The following ZNF106 variants were observed in gnomAD, a reference collection of about 807,000 sequenced individuals.
The protein encoded by ZNF106 is zinc finger protein 106, also known as SH3-domain binding protein 3.
Under a neutral mutation model 195.1 loss-of-function variants are expected in ZNF106, and 67 were observed. The observed-to-expected ratio is 0.34, with a 90% confidence interval of 0.28 to 0.42. ZNF106 has a LOEUF of 0.42. ZNF106 is among the 10% of genes least tolerant of loss of function. The pLI is 1.00. For missense variants in ZNF106, 2,118 were observed against 2,304.5 expected (o/e 0.92, Z 1.66); for synonymous variants, 784 against 818.6 (o/e 0.96, Z 0.72).
At chr15:42,426,410 A>C (rs891283170) in intron 15 of ZNF106, among the ~76,000 whole-genome samples, 1 of 151,464 alleles carries the variant, frequency 6.6e-6, no homozygotes, top group Non-Finnish European at 1.5e-5. Flanking sequence ...AAAAAAAAAA[A>C]AGAGAGAGAG....
chr15:42,436,760 T>G (rs2055286617), intron 13 of ZNF106, among the ~76,000 whole-genome samples: 1 of 152,206 alleles, frequency 6.6e-6, no homozygotes, highest in Non-Finnish European at 1.5e-5. Flanking sequence ...GGAAAATACC[T>G]CCTCCAGTAC....
rs777225331 is a variant in ZNF106 at position 42,448,562 on chromosome 15, C to A, written c.2645G>T (p.Ser882Ile). 6.2e-7 allele frequency: 1 copy of A among 1,614,148 alleles called. No individual in the cohort carries two copies. Among genetic ancestry groups the A allele is most frequent in the Non-Finnish European group, 8.5e-7 (1 of 1,180,018 alleles). ...SSSPGLARKR[S>I]LSESSVIMDR... Reference sequence around the variant, plus strand: ...CATGATCACGCTGCTCTCAGAAAGGCTTCGCTTTCTTGCCAAGCCAGGGGA... The same window carrying A: ...CATGATCACGCTGCTCTCAGAAAGGATTCGCTTTCTTGCCAAGCCAGGGGA... The change falls in exon 6 of 22, where the codon AGC becomes ATC. Residue 882 changes from serine (S) to isoleucine (I), a missense_variant. By Grantham distance (142) the Ser-to-Ile change is moderately radical (BLOSUM62 -2). Transcript: ENST00000564754.
intron 12 of ZNF106, among the ~76,000 whole-genome samples, chr15:42,438,259 C>G (rs975190282): frequency 6.6e-6 from 1 of 152,130 alleles, no homozygotes; most frequent in Non-Finnish European, 1.5e-5. Context: ...GGCGTGATGG[C>G]GCGCACCTGT....
intron 3 of ZNF106, among the ~76,000 whole-genome samples, chr15:42,461,310 A>G (rs1447497817): frequency 6.6e-6 from 1 of 152,388 alleles, no homozygotes; most frequent in South Asian, 2.1e-4. Flanking sequence ...GAATAAATAA[A>G]ATAATCACGG....
chr15:42,435,596 T>A, intron 13 of ZNF106, 78 bp from the exon 14 acceptor site: 1 of 1,561,954 alleles, frequency 6.4e-7, no homozygotes, highest in South Asian at 1.1e-5. Flanking sequence ...AACAAAAAGA[T>A]GCTAAAACAT....
intron 1 of ZNF106, among the ~76,000 whole-genome samples, chr15:42,476,866 T>C (rs1240043129): frequency 6.6e-6 from 1 of 152,170 alleles, no homozygotes; most frequent in East Asian, 1.9e-4. Context: ...TCCTTAATAA[T>C]AATATCTTTT....
chr15:42,473,587 CT>C (rs1462175019), intron 1 of ZNF106, among the ~76,000 whole-genome samples: 2 of 152,134 alleles, frequency 1.3e-5, no homozygotes, highest in Non-Finnish European at 2.9e-5. Flanking sequence ...AAAATATTGC[CT>C]TATGGGAGAG....
intron 1 of ZNF106, among the ~76,000 whole-genome samples, chr15:42,475,754 C>A (rs535187304): frequency 3.6e-4 from 55 of 152,216 alleles, no homozygotes; most frequent in African/African-American, 1.3e-3. Context: ...AAGCACTATT[C>A]TAAGGGTTGG....
At chr15:42,419,072 A>AG (rs1264424069) in intron 20 of ZNF106, among the ~76,000 whole-genome samples, 1 of 151,442 alleles carries the variant, frequency 6.6e-6, no homozygotes, top group Non-Finnish European at 1.5e-5. Flanking sequence ...CCAAAAAAAA[A>AG]AAAAAAAAAA....
chr15:42,468,602 G>A (rs2056587827), intron 2 of ZNF106, among the ~76,000 whole-genome samples: 1 of 151,302 alleles, frequency 6.6e-6, no homozygotes, highest in Non-Finnish European at 1.5e-5. Flanking sequence ...AATTAGCCAG[G>A]CATGGCAGCG....
intron 5 of ZNF106, 83 bp downstream of exon 5, chr15:42,449,688 C>T: frequency 6.7e-7 from 1 of 1,498,440 alleles, no homozygotes; most frequent in South Asian, 1.4e-5. Flanking sequence ...TTAAATGAAA[C>T]ACGTAGAATT....
chr15:42,439,576 A>G lies in ZNF106; in HGVS notation c.4001T>C (p.Phe1334Ser), dbSNP rs1168289366. 1.2e-6 allele frequency: 2 copies of G among 1,614,066 alleles called. No individual in the cohort carries two copies. The highest frequency in any genetic ancestry group is 1.7e-6 in the Non-Finnish European group (2 of 1,180,044). ...NSGSEACTSS[F>S]LRLSFASETP... is the part of the protein sequence containing the mutation. ...TTCTGAAGCAAAAGACAATCTTAGAAAAGAACTGGTACAGGCTTCAGACCC... is the reference window on the plus strand; with the variant it reads ...TTCTGAAGCAAAAGACAATCTTAGAGAAGAACTGGTACAGGCTTCAGACCC... The change falls in exon 11 of 22, where the codon TTT (phenylalanine) becomes TCT (serine). Residue 1334 changes from phenylalanine to serine, a missense_variant. Phe to Ser is a radical substitution (Grantham distance 155). Transcript: ENST00000564754.
At chr15:42,433,602 C>T (rs965515736) in intron 14 of ZNF106, among the ~76,000 whole-genome samples, 1 of 151,652 alleles carries the variant, frequency 6.6e-6, no homozygotes, top group Non-Finnish European at 1.5e-5. Flanking sequence ...CCAGCCTCAG[C>T]CTCCCGAGTA....
rs79364807 is a variant in ZNF106 at position 42,450,312 on chromosome 15, T to C, written c.1960A>G (p.Ile654Val). ...GATAGCTCTCTAGAAGTCTTCAGGA[T>C]GCGGTCATCCTCCTCTTTCTCATCA... ...TADEKEEDDRILKTSRELSTS... is the reference protein window; with the variant it reads ...TADEKEEDDRVLKTSRELSTS... The change falls in exon 5 of 22, where the codon ATC (isoleucine) becomes GTC (valine). Residue 654 changes from isoleucine to valine, a missense_variant. Ile to Val is a conservative substitution (Grantham distance 29). Coordinates refer to ENST00000564754, the MANE Select transcript of ZNF106 (RefSeq NM_001366845.3). The C allele has an allele frequency of 3.7e-6, 6 of 1,614,206 alleles. No individual in the cohort carries two copies. In the East Asian group the frequency reaches 8.9e-5, roughly 24 times the overall value.
rs187850878 is a variant in ZNF106 at position 42,472,749 on chromosome 15, C to T, written c.-32-428G>A. On this transcript the variant is annotated intron_variant, in intron 1 of 21. Coordinates refer to ENST00000564754, the MANE Select transcript of ZNF106 (RefSeq NM_001366845.3). ...CAGAATGGACAGGTGCAGGGGCTCA[C>T]GCCTGTAATCCCAGCATTTTGGGAG... Among the ~76,000 whole-genome samples, 87 of 152,272 alleles carry T rather than the reference C, an allele frequency of 5.7e-4. 1 individual carries two copies. Among genetic ancestry groups the T allele is most frequent in the Non-Finnish European group, 9.4e-4 (64 of 68,044 alleles).
intron 5 of ZNF106, among the ~76,000 whole-genome samples, chr15:42,449,492 G>C (rs1303825876): frequency 6.6e-6 from 1 of 152,054 alleles, no homozygotes; most frequent in Non-Finnish European, 1.5e-5. Context: ...ATAAAGTGAC[G>C]GATTTTACCC....
At chr15:42,435,877 T>C (rs2055254643) in intron 13 of ZNF106, among the ~76,000 whole-genome samples, 1 of 152,086 alleles carries the variant, frequency 6.6e-6, no homozygotes, top group African/African-American at 2.4e-5. Context: ...GATGAGCATT[T>C]GATAAGCAGT....
At chr15:42,426,759 C>T (rs527723378) in intron 15 of ZNF106, among the ~76,000 whole-genome samples, 8 of 152,026 alleles carry the variant, frequency 5.3e-5, no homozygotes, top group Admixed American at 2.0e-4. Flanking sequence ...GCAATTATCA[C>T]GTTTTAGCCT....
chr15:42,417,466 C>G, intron 21 of ZNF106, 106 bp from the exon 22 acceptor site: 2 of 1,345,028 alleles, frequency 1.5e-6, no homozygotes, highest in Non-Finnish European at 2.1e-6. Flanking sequence ...AGGATCCAGA[C>G]AGGAAAGGCA....
Sources: gnomAD v4.1 joint callset for allele counts (sites outside exome capture counted in the v4.1 genomes callset) on GRCh38, gnomAD v4.1.1 for gene constraint, MANE v1.5 for transcripts, NCBI Gene and HGNC (gene_info 2026-07-23, HGNC 2026-07-21) for gene names.